PTPRK: variants seen among roughly 807,000 people sequenced by gnomAD.
PTPRK encodes protein tyrosine phosphatase receptor type K.
PTPRK carries 75 observed loss-of-function variants against 178.0 expected under a neutral mutation model. The observed-to-expected ratio is 0.42, with a 90% CI of 0.35 to 0.51. The LOEUF (loss-of-function observed/expected upper bound fraction) is 0.51. Ranked by LOEUF, PTPRK falls within the 20% of genes least tolerant of loss-of-function variation. The pLI, the probability that PTPRK is intolerant of heterozygous loss-of-function variation, is 0.02. For missense variants in PTPRK, 1,441 were observed against 1,797.8 expected, an observed-to-expected ratio of 0.80 and a Z score of 3.59; for synonymous variants, 637 against 620.6, an observed-to-expected ratio of 1.03 and a Z score of -0.39.
chr6:128,143,883 TAAC>T (rs1278919324), intron 7 of PTPRK, among the ~76,000 whole-genome samples: 1 of 152,222 alleles, frequency 6.6e-6, no homozygotes, highest in African/African-American at 2.4e-5. Flanking sequence ...TGGCTGGATT[TAAC>T]AACAATGACA....
intron 7 of PTPRK, among the ~76,000 whole-genome samples, chr6:128,178,090 T>C (rs931126862): frequency 6.6e-6 from 1 of 151,890 alleles, no homozygotes; most frequent in Non-Finnish European, 1.5e-5. Context: ...GATAAGGCCA[T>C]GGCTTTGTTC....
intron 17 of PTPRK, 33 bp downstream of exon 17, chr6:127,996,868 T>C: frequency 6.3e-7 from 1 of 1,593,102 alleles, no homozygotes; most frequent in Non-Finnish European, 8.6e-7. Context: ...GCATATAATA[T>C]TTACATTCAC....
intron 1 of PTPRK, among the ~76,000 whole-genome samples, chr6:128,484,519 C>A (rs954024680): frequency 6.6e-6 from 1 of 152,082 alleles, no homozygotes; most frequent in Non-Finnish European, 1.5e-5. Context: ...GTTTGTGATG[C>A]TAATTTCATT....
chr6:128,501,391 T>TCACACA (rs67621491), intron 1 of PTPRK, among the ~76,000 whole-genome samples: 8,397 of 145,626 alleles, frequency 0.058, 392 homozygotes, highest in African/African-American at 0.14. Context: ...TAAACTCAAA[T>TCACACA]CACACACACA....
intron 13 of PTPRK, among the ~76,000 whole-genome samples, chr6:128,038,391 C>G (rs1246422518): frequency 6.6e-6 from 1 of 151,706 alleles, no homozygotes; most frequent in East Asian, 1.9e-4. Context: ...CCTCTACCAA[C>G]TAGCTTATCT....
chr6:128,180,827 G>A (rs1801799641), intron 7 of PTPRK, among the ~76,000 whole-genome samples: 1 of 151,962 alleles, frequency 6.6e-6, no homozygotes, highest in South Asian at 2.1e-4. Flanking sequence ...ATCTCTTCCA[G>A]ACTTTACTTG....
At chr6:128,014,911 G>T (rs1227920239) in intron 13 of PTPRK, among the ~76,000 whole-genome samples, 1 of 151,590 alleles carries the variant, frequency 6.6e-6, no homozygotes, top group Non-Finnish European at 1.5e-5. Flanking sequence ...GATTTTACTG[G>T]TGAGAAAAGA....
Position 128,283,360 on chromosome 6 carries a change from A to G in PTPRK, c.495+38679T>C, listed in dbSNP as rs145393214. On this transcript the variant is annotated intron_variant, in intron 3 of 29. Transcript: ENST00000368226. The stretch of plus-strand genomic sequence containing the variant: ...ATAAACCAAGGAGCAAAAGTGATTT[A>G]GGAGAGCTCAAAATACAATTAGTAC... 4.7e-3 allele frequency among the ~76,000 whole-genome samples: 722 copies of G among 152,372 alleles called. 3 individuals carry two copies. The highest frequency in any genetic ancestry group is 7.9e-3 in the Non-Finnish European group (540 of 68,032).
intron 3 of PTPRK, among the ~76,000 whole-genome samples, chr6:128,293,874 C>T (rs775836292): frequency 2.6e-5 from 4 of 152,028 alleles, no homozygotes; most frequent in Admixed American, 6.6e-5. Flanking sequence ...AAGAGACACA[C>T]GATCATATCA....
intron 7 of PTPRK, among the ~76,000 whole-genome samples, chr6:128,171,725 G>A (rs145204287): frequency 1.7e-4 from 26 of 152,036 alleles, no homozygotes; most frequent in Middle Eastern, 3.4e-3. Context: ...TTAAAGGGCT[G>A]TAAGTATGCC....
chr6:128,006,247 G>C (rs1203547372), intron 14 of PTPRK, among the ~76,000 whole-genome samples: 1 of 150,920 alleles, frequency 6.6e-6, no homozygotes, highest in Non-Finnish European at 1.5e-5. Flanking sequence ...CAATTAAACA[G>C]ACAGATATGC....
chr6:128,048,688 G>T (rs2114864114), intron 13 of PTPRK, among the ~76,000 whole-genome samples: 1 of 152,262 alleles, frequency 6.6e-6, no homozygotes, highest in Non-Finnish European at 1.5e-5. Context: ...AACAACCACA[G>T]ACTTACACTG....
chr6:128,512,114 T>C (rs80312431), intron 1 of PTPRK, among the ~76,000 whole-genome samples: 1,930 of 152,314 alleles, frequency 0.013, 33 homozygotes, highest in Non-Finnish European at 0.018. Flanking sequence ...TTCTTGAAGA[T>C]ATACGAAAGT....
At chr6:128,077,582 A>C (rs1403072691) in intron 11 of PTPRK, among the ~76,000 whole-genome samples, 1 of 150,202 alleles carries the variant, frequency 6.7e-6, no homozygotes, top group South Asian at 2.1e-4. Flanking sequence ...TTTTACACAA[A>C]GAACAAACAT....
At chr6:128,312,757 T>G (rs1321817511) in intron 3 of PTPRK, among the ~76,000 whole-genome samples, 1 of 149,514 alleles carries the variant, frequency 6.7e-6, no homozygotes, top group East Asian at 1.9e-4. Context: ...TTGTTTTCAT[T>G]TTTTTTTTTT....
At chr6:128,000,332 T>G in intron 15 of PTPRK, 1 of 1,285,508 alleles carries the variant, frequency 7.8e-7, no homozygotes, top group South Asian at 1.3e-5. Context: ...TTTTTCTTCC[T>G]GGAGAAGGGA....
chr6:128,148,296 G>T (rs1330768632), intron 7 of PTPRK, among the ~76,000 whole-genome samples: 1 of 152,034 alleles, frequency 6.6e-6, no homozygotes, highest in African/African-American at 2.4e-5. Flanking sequence ...AAATAAAAAG[G>T]GTTGCTTTGT....
chr6:127,998,991 C>T, intron 15 of PTPRK, 87 bp from the exon 16 acceptor site: 3 of 1,120,344 alleles, frequency 2.7e-6, no homozygotes, highest in Non-Finnish European at 3.7e-6. Context: ...GATTTTAAGA[C>T]CTTAAGATCT....
intron 13 of PTPRK, among the ~76,000 whole-genome samples, chr6:128,035,465 C>T (rs1329644937): frequency 3.3e-5 from 5 of 152,108 alleles, no homozygotes; most frequent in Admixed American, 6.6e-5. Context: ...GGACACAAAA[C>T]GACAACATGG....
Sources: gnomAD v4.1 joint callset for allele counts (sites outside exome capture counted in the v4.1 genomes callset) on GRCh38, gnomAD v4.1.1 for gene constraint, MANE v1.5 for transcripts, NCBI Gene and HGNC (gene_info 2026-07-23, HGNC 2026-07-21) for gene names.